USP53: variants seen among roughly 807,000 people sequenced by gnomAD.
USP53 encodes the protein ubiquitin specific peptidase 53.
In USP53, 71 loss-of-function variants were observed where a neutral mutation model predicts 94.9. The ratio of observed to expected loss-of-function variants is 0.75; its 90% CI spans 0.62 to 0.91. The LOEUF is 0.91. Ranked by LOEUF, USP53 falls within the 40% of genes least tolerant of loss-of-function variation. The probability of loss-of-function intolerance (pLI) is 0.00; values close to 1 mark genes in which losing one functional copy is unlikely to be tolerated. For synonymous variants in USP53, 375 were observed against 422.7 expected (o/e 0.89, Z 1.39); for missense variants, 1,173 against 1,281.0 (o/e 0.92, Z 1.29).
intron 15 of USP53, 91 bp from the exon 16 acceptor site, chr4:119,271,203 CTT>C (rs1056886933): frequency 4.0e-6 from 6 of 1,484,054 alleles, no homozygotes; most frequent in African/African-American, 1.4e-5. Context: ...ACCTAAAACT[CTT>C]TAACATTTTA....
At chr4:119,247,155 T>C (rs189980080) in intron 6 of USP53, among the ~76,000 whole-genome samples, 81 of 152,312 alleles carry the variant, frequency 5.3e-4, no homozygotes, top group African/African-American at 1.9e-3. Context: ...TTTTGTCTAA[T>C]TGTAAAACCT....
chr4:119,265,421 C>G (rs867512715), intron 12 of USP53, among the ~76,000 whole-genome samples: 20 of 152,218 alleles, frequency 1.3e-4, no homozygotes, highest in Admixed American at 3.3e-4. Flanking sequence ...GAAGAACTGG[C>G]TGTATTAATC....
At chr4:119,261,468 C>G (rs1450090008) in intron 11 of USP53, among the ~76,000 whole-genome samples, 2 of 152,266 alleles carry the variant, frequency 1.3e-5, no homozygotes, top group African/African-American at 4.8e-5. Flanking sequence ...TAGAGATACT[C>G]TATTATTGCT....
At chr4:119,241,546 C>CTG (rs59702055) in intron 5 of USP53, among the ~76,000 whole-genome samples, 152,261 of 152,280 alleles carry the variant, frequency 1, 76,121 homozygotes, top group Middle Eastern at 1. Flanking sequence ...TTTTGCTTCT[C>CTG]TGTTTTAGCT....
chr4:119,232,291 A>G (rs940736268), intron 3 of USP53, among the ~76,000 whole-genome samples: 3 of 152,128 alleles, frequency 2.0e-5, no homozygotes, highest in African/African-American at 7.2e-5. Flanking sequence ...TCATTCTCCT[A>G]TAGCCCCCAC....
chr4:119,279,354 C>A (rs1182929474), intron 17 of USP53, among the ~76,000 whole-genome samples: 9 of 148,880 alleles, frequency 6.0e-5, no homozygotes, highest in African/African-American at 2.3e-4. Context: ...GTTGGAGTAC[C>A]CTGCCGTGTG....
intron 3 of USP53, chr4:119,218,237 T>C (rs1578401096): frequency 6.6e-6 from 1 of 152,196 alleles, no homozygotes; most frequent in Non-Finnish European, 1.5e-5. Context: ...AAGGTATAGA[T>C]AAAGTAAGAG....
At chr4:119,290,511 C>T (rs1269447347) in intron 17 of USP53, among the ~76,000 whole-genome samples, 2 of 152,096 alleles carry the variant, frequency 1.3e-5, no homozygotes, top group East Asian at 3.9e-4. Context: ...TCATCTGTAA[C>T]ATCAAGTTGC....
chr4:119,278,230 G>A (rs1334687966), intron 17 of USP53, among the ~76,000 whole-genome samples: 9 of 149,488 alleles, frequency 6.0e-5, no homozygotes, highest in South Asian at 4.3e-4. Flanking sequence ...ATTTTGCAGC[G>A]GCTGGTACCG....
intron 16 of USP53, chr4:119,272,805 G>A (rs1030225953): frequency 6.6e-6 from 1 of 152,116 alleles, no homozygotes; most frequent in Non-Finnish European, 1.5e-5. Context: ...TCTCATGGAA[G>A]AGATATTTTC....
chr4:119,221,523 A>G (rs551076546), intron 3 of USP53: 1 of 152,276 alleles, frequency 6.6e-6, no homozygotes, highest in South Asian at 2.1e-4. Context: ...AGGAGCCACC[A>G]GGGGAAGATA....
intron 7 of USP53, among the ~76,000 whole-genome samples, chr4:119,253,584 C>T (rs552688191): frequency 2.0e-5 from 3 of 152,220 alleles, no homozygotes; most frequent in Middle Eastern, 3.4e-3. Context: ...GATCTTCCTC[C>T]ATCCCTTTAT....
intron 12 of USP53, among the ~76,000 whole-genome samples, chr4:119,264,832 A>G (rs1433039946): frequency 1.3e-5 from 2 of 152,230 alleles, no homozygotes; most frequent in African/African-American, 2.4e-5. Context: ...ATGTAAGTCC[A>G]TGTAAAACGT....
At chr4:119,273,602 G>C in intron 16 of USP53, 30 bp from the exon 17 acceptor site, 3 of 1,561,424 alleles carry the variant, frequency 1.9e-6, no homozygotes, top group African/African-American at 2.7e-5. Context: ...CATAATACCT[G>C]ATGTGTTTAG....
chr4:119,213,749 T>C (rs1185734490), intron 1 of USP53, among the ~76,000 whole-genome samples: 1 of 150,668 alleles, frequency 6.6e-6, no homozygotes, highest in African/African-American at 2.5e-5. Context: ...ATAGTAAACT[T>C]AACCTGTAGT....
At position 119,256,081 on chromosome 4, in the gene USP53, T is replaced by C. The variant is rs902721333; in HGVS notation, c.373-165T>C. Among the ~76,000 whole-genome samples, 6 of 152,316 alleles carry C rather than the reference T, an allele frequency of 3.9e-5. No individual in the cohort carries two copies. In the South Asian group the frequency reaches 1.0e-3, roughly 26 times the overall value. ...AGCTAGTGCTATAAAAGGTGAATAA[T>C]TGAACATTCGATCAAAGTGTTGATT... On this transcript the variant is annotated intron_variant, in intron 7 of 18. Coordinates refer to ENST00000692078, the MANE Select transcript of USP53 (RefSeq NM_001371395.1).
intron 2 of USP53, among the ~76,000 whole-genome samples, chr4:119,215,661 C>T (rs1346648370): frequency 2.0e-5 from 3 of 149,286 alleles, no homozygotes; most frequent in Non-Finnish European, 3.0e-5. Flanking sequence ...TTATTTTGTT[C>T]ATTTACAAAC....
Position 119,293,210 on chromosome 4 carries a change from A to G in USP53, c.3221A>G (p.Ter1074TrpextTer34). Residue 1074 changes from the stop codon to tryptophan, a stop_lost, in exon 19 of 19, where the codon TAG becomes TGG. Transcript: ENST00000692078. The part of the protein sequence containing the change: ...SSGFCNNSLS[*>W] ...GGCTTTTGTAATAATTCACTATCTT[A>G]GAGTGAAAAAGGACTAGACCTGTGT... The G allele has an allele frequency of 1.3e-6, 2 of 1,584,414 alleles. No homozygotes were observed. The highest frequency in any genetic ancestry group is 1.7e-6 in the Non-Finnish European group (2 of 1,172,476).
At chr4:119,290,374 GAAGTT>G (rs1472650550) in intron 17 of USP53, among the ~76,000 whole-genome samples, 3 of 152,134 alleles carry the variant, frequency 2.0e-5, no homozygotes, top group African/African-American at 7.2e-5. Context: ...AACCAGGAGA[GAAGTT>G]AAGTATCAAT....
Sources: allele counts gnomAD v4.1 joint callset (sites outside exome capture counted in the v4.1 genomes callset), GRCh38; gene constraint gnomAD v4.1.1; transcripts MANE v1.5; gene names NCBI Gene and HGNC (gene_info 2026-07-23, HGNC 2026-07-21).